Variants in IRS1 observed in about 807,000 individuals in gnomAD.
IRS1 encodes insulin receptor substrate 1.
A neutral mutation model predicts 65.6 loss-of-function variants in IRS1; 34 were observed. That is an observed-to-expected ratio of 0.52 (90% CI 0.39 to 0.69). The LOEUF is 0.69. Ranked by LOEUF, IRS1 falls within the 30% of genes least tolerant of loss-of-function variation. The pLI is 0.00. For synonymous variants in IRS1, 699 were observed against 683.5 expected, an observed-to-expected ratio of 1.02 and a Z score of -0.35; for missense variants, 1,641 against 1,720.2, an observed-to-expected ratio of 0.95 and a Z score of 0.81.
intron 1 of IRS1, among the ~76,000 whole-genome samples, chr2:226,756,347 A>G (rs950976678): frequency 6.6e-6 from 1 of 152,208 alleles, no homozygotes; most frequent in Admixed American, 6.5e-5. Context: ...TAGTCAGTGA[A>G]TCACCATCTC....
rs972671348 is a variant in IRS1 at position 226,735,569 on chromosome 2, T to C, written c.*703A>G. The C allele has an allele frequency of 5.9e-5, 9 of 152,592 alleles. No individual in the cohort carries two copies. The highest frequency in any genetic ancestry group is 2.9e-5 in the Non-Finnish European group (2 of 68,030). The allele number at this position is 152,592 out of a possible 1,614,324, so 9.5% of individuals were successfully genotyped here. ...TATGACAAGAGATAGTATCAGCAAA[T>C]ATAACTATACAATTGAGAACCATCT... On this transcript the variant is annotated 3_prime_UTR_variant, in exon 2 of 2. Coordinates refer to ENST00000305123, the MANE Select transcript of IRS1 (RefSeq NM_005544.3).
At chr2:226,764,655 G>C (rs1295299653) in intron 1 of IRS1, among the ~76,000 whole-genome samples, 1 of 152,184 alleles carries the variant, frequency 6.6e-6, no homozygotes, top group Non-Finnish European at 1.5e-5. Context: ...AAAGGAGAGA[G>C]AATTAAAGAG....
intron 1 of IRS1, among the ~76,000 whole-genome samples, chr2:226,746,052 A>G (rs932390061): frequency 3.9e-5 from 6 of 152,238 alleles, no homozygotes; most frequent in African/African-American, 1.4e-4. Context: ...AGACAGTAGC[A>G]TTCACGTACA....
At chr2:226,754,411 G>A (rs943853705) in intron 1 of IRS1, among the ~76,000 whole-genome samples, 4 of 152,144 alleles carry the variant, frequency 2.6e-5, no homozygotes, top group African/African-American at 7.2e-5. Context: ...TTTGTTACAC[G>A]TTAGGCACTA....
chr2:226,780,936 T>C (rs896493167), intron 1 of IRS1, among the ~76,000 whole-genome samples: 22 of 152,230 alleles, frequency 1.4e-4, no homozygotes, highest in African/African-American at 4.8e-4. Context: ...TTGATAAATA[T>C]GTTTTCAATG....
chr2:226,786,736 A>G (rs769260730), intron 1 of IRS1, among the ~76,000 whole-genome samples: 2 of 151,572 alleles, frequency 1.3e-5, no homozygotes, highest in African/African-American at 2.4e-5. Context: ...AATACAGAGA[A>G]AAAAATAGTG....
chr2:226,751,274 ATTTTTTTTTTT>A (rs35699614), intron 1 of IRS1, among the ~76,000 whole-genome samples: 1 of 77,550 alleles, frequency 1.3e-5, no homozygotes, highest in African/African-American at 5.2e-5. Flanking sequence ...CCACACGGGT[ATTTTTTTTTTT>A]TTTTTTTTTT....
At position 226,768,959 on chromosome 2, in the gene IRS1, C is replaced by T. The variant is rs182158621; in HGVS notation, c.*21+26030G>A. 1.4e-3 allele frequency among the ~76,000 whole-genome samples: 220 copies of T among 152,308 alleles called. 1 individual carries two copies. Among genetic ancestry groups the T allele is most frequent in the African/African-American group, 4.6e-3 (190 of 41,558 alleles). ...GAATCCTTCTTTAAAGTAACCAGAG[C>T]TCACTGAGGCAAGACAGATGGTGCC... On this transcript the variant is annotated intron_variant, in intron 1 of 1. Coordinates refer to ENST00000305123, the MANE Select transcript of IRS1 (RefSeq NM_005544.3).
At position 226,799,643 on chromosome 2, in the gene IRS1, A is replaced by C. The variant is rs549833953; in HGVS notation, c.-905T>G. ...GTTCCTCGGGAGGCGCTGCCGCTGC[A>C]GTTACTTCTCCCCTCCTCCCTCCTC... On this transcript the variant is annotated 5_prime_UTR_variant, in exon 1 of 2. Transcript: ENST00000305123. This position sits in a 1 kb window ranked among gnomAD's most constrained non-coding sequence, Gnocchi z 6.1. The C allele has an allele frequency of 3.3e-5, 33 of 1,003,180 alleles. No individual in the cohort carries two copies. The African/African-American group carries it at 5.2e-4, about 16-fold the overall frequency. The allele number at this position is 1,003,180 out of a possible 1,614,324, so 62.1% of individuals were successfully genotyped here. A position where few individuals can be genotyped will look rare whatever the true frequency, so the allele number is the denominator to read the frequency against.
chr2:226,796,082 TGCA>T lies in IRS1; in HGVS notation c.2654_2656del (p.Leu885del). ...CCCCGGGCTCTTGGGCTCTGGAGGG[TGCA>T]GCAAGGGCTGCTGCTGCTGCTGCTG... On this transcript the variant is annotated inframe_deletion, in exon 1 of 2. Coordinates refer to ENST00000305123, the MANE Select transcript of IRS1 (RefSeq NM_005544.3). 6.2e-7 allele frequency: 1 copy of T among 1,613,818 alleles called. No individual in the cohort carries two copies. Among genetic ancestry groups the T allele is most frequent in the Non-Finnish European group, 8.5e-7 (1 of 1,180,024 alleles).
At chr2:226,792,343 A>G (rs1939628433) in intron 1 of IRS1, 1 of 152,132 alleles carries the variant, frequency 6.6e-6, no homozygotes, top group African/African-American at 2.4e-5. Flanking sequence ...TTGGGCTCTC[A>G]ATTTACTCTC....
rs934104241 is a variant in IRS1, at chr2:226,799,803, G to T, written c.-1065C>A. 4 of 988,192 alleles carry T rather than the reference G, an allele frequency of 4.0e-6. No individual in the cohort carries two copies. In the African/African-American group the frequency reaches 5.3e-5, roughly 13 times the overall value. 61.2% of individuals were successfully genotyped at this position (988,192 alleles called of 1,614,324 possible). A position where few individuals can be genotyped will look rare whatever the true frequency, so the allele number is the denominator to read the frequency against. ...AACACGTGACGGAGCCTCCGCGCTC[G>T]GCAGCCGGGCAGCCGCCGCCGGGAG... On this transcript the variant is annotated 5_prime_UTR_variant, in exon 1 of 2. Coordinates refer to ENST00000305123, the MANE Select transcript of IRS1 (RefSeq NM_005544.3). The surrounding 1 kb of genome is among the most constrained non-coding windows in gnomAD (Gnocchi z 6.1).
Position 226,734,562 on chromosome 2 carries a change from A to T in IRS1, c.*1710T>A, listed in dbSNP as rs1938291181. ...CCTCCAACCCTGGCCCCTACCTTGT[A>T]GTCCCCACTCCCACCCAGGGAGCTT... On this transcript the variant is annotated 3_prime_UTR_variant, in exon 2 of 2. Coordinates refer to ENST00000305123, the MANE Select transcript of IRS1 (RefSeq NM_005544.3). 6.6e-6 allele frequency: 1 copy of T among 152,184 alleles called. No homozygotes were observed. The highest frequency in any genetic ancestry group is 2.1e-4 in the South Asian group (1 of 4,836). 9.4% of individuals were successfully genotyped at this position (152,184 alleles called of 1,614,324 possible).
intron 1 of IRS1, 30 bp from the exon 2 acceptor site, chr2:226,736,280 C>G (rs543801247): frequency 6.6e-6 from 1 of 152,272 alleles, no homozygotes; most frequent in Admixed American, 6.5e-5. Context: ...AATTCAGCAC[C>G]ACAGGTATCT....
chr2:226,774,257 G>T (rs1939225016), intron 1 of IRS1, among the ~76,000 whole-genome samples: 1 of 152,186 alleles, frequency 6.6e-6, no homozygotes, highest in Admixed American at 6.5e-5. Context: ...TGGTAGATAG[G>T]TTCAAATAAA....
intron 1 of IRS1, among the ~76,000 whole-genome samples, chr2:226,784,367 C>T (rs1003021620): frequency 1.2e-4 from 19 of 152,032 alleles, no homozygotes; most frequent in African/African-American, 3.4e-4. Flanking sequence ...ACCAAAAAAA[C>T]GATCAAACAC....
In IRS1 at chr2:226,795,438, A is replaced by G. The variant is rs747491337; in HGVS notation, c.3301T>C (p.Ser1101Pro). The G allele has an allele frequency of 4.4e-5, 71 of 1,613,462 alleles. 4 individuals carry two copies. The South Asian group carries it at 6.5e-4, about 15-fold the overall frequency. Reference sequence around the variant, plus strand: ...CTGGGTGTTGAGGAGAAAGTCTCGGAGCTATGCCTCCGCCGGCACCCTTGT... The same window carrying G: ...CTGGGTGTTGAGGAGAAAGTCTCGGGGCTATGCCTCCGCCGGCACCCTTGT... ...DPQGCRRRHS[S>P]ETFSSTPSAT... Residue 1101 changes from serine to proline, a missense_variant, in exon 1 of 2, where the codon TCC becomes CCC. Around this residue, in one of 3 missense-constraint regions of IRS1, gnomAD observed 1,324 missense variants for 1,361.0 expected, o/e 0.97. Coordinates refer to ENST00000305123, the MANE Select transcript of IRS1 (RefSeq NM_005544.3).
intron 1 of IRS1, among the ~76,000 whole-genome samples, chr2:226,779,989 TTTAGTAGAGGGGCTAA>T (rs1403507864): frequency 6.6e-6 from 1 of 152,144 alleles, no homozygotes; most frequent in Non-Finnish European, 1.5e-5. Flanking sequence ...TTATGCATAT[TTTAGTAGAGGGGCTAA>T]TTAGCAACAA....
In IRS1 at chr2:226,795,477, T is replaced by C; in HGVS notation, c.3262A>G (p.Ile1088Val). ...CGGCACCCTTGTGGGTCTGCACGGA[T>C]CACTTTGGCACTCTGGTTGCGGTTA... ...SPNRNQSAKV[I>V]RADPQGCRRR... Residue 1088 changes from isoleucine (I) to valine (V), a missense_variant, in exon 1 of 2, where the codon ATC (isoleucine) becomes GTC (valine). By Grantham distance (29) the Ile-to-Val change is conservative. Around this residue, in one of 3 missense-constraint regions of IRS1, gnomAD observed 1,324 missense variants for 1,361.0 expected, o/e 0.97. Coordinates refer to ENST00000305123, the MANE Select transcript of IRS1 (RefSeq NM_005544.3). The C allele has an allele frequency of 6.2e-7, 1 of 1,613,516 alleles. No individual in the cohort carries two copies. Among genetic ancestry groups the C allele is most frequent in the Non-Finnish European group, 8.5e-7 (1 of 1,180,014 alleles).
Sources: allele counts gnomAD v4.1 joint callset (sites outside exome capture counted in the v4.1 genomes callset), GRCh38; gene constraint gnomAD v4.1.1; regional missense constraint gnomAD v4.1.1; non-coding constraint Gnocchi (gnomAD v3.1); transcripts MANE v1.5; gene names NCBI Gene and HGNC (gene_info 2026-07-23, HGNC 2026-07-21).